Variants in DNAH6 observed in about 807,000 individuals in gnomAD.
DNAH6 encodes the protein dynein axonemal heavy chain 6.
DNAH6 carries 340 observed loss-of-function variants against 491.4 expected under a neutral mutation model. The observed-to-expected ratio is 0.69, with a 90% CI of 0.63 to 0.76. The LOEUF (loss-of-function observed/expected upper bound fraction) is 0.76. DNAH6 is among the 30% of genes least tolerant of loss of function. The pLI is 0.00. For synonymous variants in DNAH6, 1,603 were observed against 1,686.1 expected (o/e 0.95, Z 1.21); for missense variants, 4,443 against 4,972.2 (o/e 0.89, Z 3.20).
chr2:84,772,094 A>G (rs972822827), intron 64 of DNAH6, among the ~76,000 whole-genome samples: 1 of 152,222 alleles, frequency 6.6e-6, no homozygotes, highest in African/African-American at 2.4e-5. Flanking sequence ...GCTATGTAGT[A>G]GCAAATTTTT....
chr2:84,521,567 T>C (rs955337410), intron 2 of DNAH6, among the ~76,000 whole-genome samples: 1 of 152,180 alleles, frequency 6.6e-6, no homozygotes, highest in Admixed American at 6.5e-5. Flanking sequence ...TTCAGAATGG[T>C]ATTGCCTACG....
chr2:84,714,125 G>A (rs950799642), intron 57 of DNAH6, among the ~76,000 whole-genome samples: 6 of 152,160 alleles, frequency 3.9e-5, no homozygotes, highest in South Asian at 2.1e-4. Flanking sequence ...GCACTCTGCA[G>A]GCTCTTACCT....
intron 15 of DNAH6, among the ~76,000 whole-genome samples, chr2:84,586,848 C>A (rs978637474): frequency 5.3e-5 from 8 of 152,166 alleles, no homozygotes; most frequent in Admixed American, 4.6e-4. Flanking sequence ...GTATTCTATA[C>A]ACAGCATATG....
At chr2:84,525,073 C>A (rs1339597482) in intron 2 of DNAH6, among the ~76,000 whole-genome samples, 1 of 152,046 alleles carries the variant, frequency 6.6e-6, no homozygotes, top group Non-Finnish European at 1.5e-5. Flanking sequence ...GAATTCTTCA[C>A]TTTATTATGT....
At chr2:84,796,553 C>A in intron 69 of DNAH6, 128 bp downstream of exon 69, 1 of 650,972 alleles carries the variant, frequency 1.5e-6, no homozygotes, top group Non-Finnish European at 2.4e-6. Flanking sequence ...ACCCTATCCC[C>A]ATGCTTGGCC....
chr2:84,785,531 C>G (rs1677093854), intron 66 of DNAH6, 79 bp from the exon 67 acceptor site: 1 of 1,330,358 alleles, frequency 7.5e-7, no homozygotes, highest in Non-Finnish European at 9.9e-7. Flanking sequence ...TCAATGGCTT[C>G]AGTCTATGTG....
chr2:84,659,609 T>A (rs1472486267), intron 37 of DNAH6, among the ~76,000 whole-genome samples: 3 of 152,124 alleles, frequency 2.0e-5, no homozygotes, highest in Non-Finnish European at 4.4e-5. Flanking sequence ...AGGAGAAAAA[T>A]TAGAATGCAC....
chr2:84,709,000 C>T (rs533527776), intron 54 of DNAH6, among the ~76,000 whole-genome samples: 6 of 152,154 alleles, frequency 3.9e-5, no homozygotes, highest in South Asian at 4.1e-4. Flanking sequence ...TGTGATAACC[C>T]GAAACTTCTC....
At chr2:84,793,902 TTCTC>T (rs1678036287) in intron 68 of DNAH6, among the ~76,000 whole-genome samples, 1 of 152,168 alleles carries the variant, frequency 6.6e-6, no homozygotes, top group Admixed American at 6.5e-5. Flanking sequence ...TGAAATAACT[TTCTC>T]TCAACCAACC....
At position 84,641,980 on chromosome 2, in the gene DNAH6, A is replaced by C. The variant is rs919773446; in HGVS notation, c.5004A>C (p.Glu1668Asp). The change falls in exon 33 of 77, where the codon GAA becomes GAC. Residue 1668 changes from glutamate (E) to aspartate (D), a missense_variant. By Grantham distance (45) the Glu-to-Asp change is conservative. Coordinates refer to ENST00000389394, the MANE Select transcript of DNAH6 (RefSeq NM_001370.2). Reference protein sequence around the residue: ...SLKRENPDLNEDVVLIRALQD... With the variant: ...SLKRENPDLNDDVVLIRALQD... ...AAAGAGAAAACCCAGACCTAAATGA[A>C]GATGTGGTGTTGATAAGAGCTTTAC... 4.5e-6 allele frequency: 7 copies of C among 1,550,778 alleles called. No individual in the cohort carries two copies. The African/African-American group carries it at 5.5e-5, about 12-fold the overall frequency.
chr2:84,781,796 T>A, intron 65 of DNAH6, 143 bp downstream of exon 65: 2 of 1,034,982 alleles, frequency 1.9e-6, no homozygotes, highest in East Asian at 2.7e-5. Context: ...CTAGACAGAT[T>A]TAGCTAATTT....
chr2:84,572,104 C>T (rs923134141), intron 11 of DNAH6, among the ~76,000 whole-genome samples: 1 of 152,046 alleles, frequency 6.6e-6, no homozygotes, highest in Non-Finnish European at 1.5e-5. Context: ...TGTTAATTTC[C>T]TGATTTGGAC....
intron 42 of DNAH6, among the ~76,000 whole-genome samples, chr2:84,682,079 C>G (rs528645732): frequency 1.3e-5 from 2 of 152,228 alleles, no homozygotes; most frequent in African/African-American, 4.8e-5. Context: ...AGAAAGACCT[C>G]TTAAAGAATG....
chr2:84,726,564 C>T (rs1453630596), intron 60 of DNAH6, among the ~76,000 whole-genome samples: 2 of 152,110 alleles, frequency 1.3e-5, no homozygotes, highest in East Asian at 3.9e-4. Flanking sequence ...TGTTCTCACT[C>T]ATAGGTGGGA....
At chr2:84,731,821 A>C (rs989313501) in intron 61 of DNAH6, among the ~76,000 whole-genome samples, 5 of 152,224 alleles carry the variant, frequency 3.3e-5, no homozygotes, top group Non-Finnish European at 7.3e-5. Context: ...AAAGACCAGA[A>C]GGAAACCCAA....
Position 84,529,142 on chromosome 2 carries a change from T to C in DNAH6, c.638T>C (p.Ile213Thr). Reference sequence around the variant, plus strand: ...ATCCCTGCAGTGCCAAGATCATCCATTGAATATGATACATATAATCTAAAG... The same window carrying C: ...ATCCCTGCAGTGCCAAGATCATCCACTGAATATGATACATATAATCTAAAG... ...YMIPAVPRSSIEYDTYNLKVV... is the reference protein window; with the variant it reads ...YMIPAVPRSSTEYDTYNLKVV... Residue 213 changes from isoleucine (I) to threonine (T), a missense_variant, in exon 4 of 77, where the codon ATT becomes ACT. By Grantham distance (89) the Ile-to-Thr change is moderately conservative. Transcript: ENST00000389394. 3.2e-6 allele frequency: 5 copies of C among 1,548,470 alleles called. No homozygotes were observed. The highest frequency in any genetic ancestry group is 2.4e-5 in the South Asian group (2 of 83,982).
At chr2:84,751,995 G>A (rs566840210) in intron 63 of DNAH6, among the ~76,000 whole-genome samples, 5 of 152,300 alleles carry the variant, frequency 3.3e-5, no homozygotes, top group East Asian at 1.9e-4. Flanking sequence ...GTCATACATC[G>A]TTCCCTGAAG....
intron 4 of DNAH6, among the ~76,000 whole-genome samples, chr2:84,542,988 A>G (rs1049739516): frequency 1.3e-5 from 2 of 152,072 alleles, no homozygotes; most frequent in South Asian, 2.1e-4. Flanking sequence ...GTGAAACCCT[A>G]TCTCTACTAA....
intron 32 of DNAH6, 86 bp from the exon 33 acceptor site, chr2:84,641,861 A>G (rs370249479): frequency 9.7e-7 from 1 of 1,029,786 alleles, no homozygotes; most frequent in Admixed American, 2.6e-5. Context: ...CCTCAGGGGA[A>G]GGGCTCTGCC....
Sources: gnomAD v4.1 joint callset for allele counts (sites outside exome capture counted in the v4.1 genomes callset) on GRCh38, gnomAD v4.1.1 for gene constraint, MANE v1.5 for transcripts, NCBI Gene and HGNC (gene_info 2026-07-23, HGNC 2026-07-21) for gene names.